Variants in FOXN3 observed in about 807,000 individuals in gnomAD.
The protein encoded by FOXN3 is forkhead box protein N3.
In FOXN3, 7 loss-of-function variants were observed where a neutral mutation model predicts 38.4. The observed-to-expected ratio is 0.18, with a 90% CI of 0.10 to 0.34. The LOEUF (loss-of-function observed/expected upper bound fraction) is 0.34. FOXN3 is among the 10% of genes least tolerant of loss of function. The pLI is 1.00. For missense variants in FOXN3, 456 were observed against 613.4 expected (o/e 0.74, Z 2.71); for synonymous variants, 230 against 242.2 (o/e 0.95, Z 0.47).
At chr14:89,183,717 C>T (rs1438661397) in intron 4 of FOXN3, among the ~76,000 whole-genome samples, 1 of 152,086 alleles carries the variant, frequency 6.6e-6, no homozygotes, top group Non-Finnish European at 1.5e-5. Context: ...TGCTTTTGGA[C>T]AGCACACAAT....
chr14:89,446,087 C>CAAAAAAAAAAAAAAAAAAAAAAAAA (rs576883864), intron 1 of FOXN3, among the ~76,000 whole-genome samples: 9 of 40,112 alleles, frequency 2.2e-4, no homozygotes, highest in African/African-American at 5.1e-4. Flanking sequence ...GACCCTGCCT[C>CAAAAAAAAAAAAAAAAAAAAAAAAA]AAAAAAAAAA....
chr14:89,492,604 T>C (rs1366603904), intron 1 of FOXN3, among the ~76,000 whole-genome samples: 1 of 152,074 alleles, frequency 6.6e-6, no homozygotes, highest in Non-Finnish European at 1.5e-5. Context: ...CCCGGCTACT[T>C]GGGAAACTGA....
intron 1 of FOXN3, among the ~76,000 whole-genome samples, chr14:89,566,303 A>AT (rs35665987): frequency 4.6e-5 from 7 of 151,490 alleles, no homozygotes; most frequent in African/African-American, 1.7e-4. Context: ...ATTTAATCAG[A>AT]TTTTTTTTTT....
At chr14:89,295,762 ATTTT>A (rs1032063820) in intron 3 of FOXN3, among the ~76,000 whole-genome samples, 1 of 123,222 alleles carries the variant, frequency 8.1e-6, no homozygotes, top group African/African-American at 3.1e-5. Flanking sequence ...TAATTTTTGC[ATTTT>A]TTTTTTTTTT....
intron 3 of FOXN3, among the ~76,000 whole-genome samples, chr14:89,309,139 A>G (rs997913377): frequency 3.9e-5 from 6 of 152,112 alleles, no homozygotes; most frequent in African/African-American, 1.4e-4. Flanking sequence ...ACCAGGTTTG[A>G]GGGTCTCCCT....
intron 2 of FOXN3, among the ~76,000 whole-genome samples, chr14:89,390,973 C>A (rs181014303): frequency 2.6e-5 from 4 of 152,274 alleles, no homozygotes; most frequent in Admixed American, 2.0e-4. Context: ...GACAGTGTCT[C>A]GAGAAACTCC....
intron 3 of FOXN3, among the ~76,000 whole-genome samples, chr14:89,348,959 A>G (rs1202280873): frequency 6.6e-6 from 1 of 152,174 alleles, no homozygotes; most frequent in Non-Finnish European, 1.5e-5. Flanking sequence ...AACCAATGAC[A>G]TGACCCAGTG....
At chr14:89,176,934 A>C (rs1887534010) in intron 5 of FOXN3, among the ~76,000 whole-genome samples, 1 of 152,036 alleles carries the variant, frequency 6.6e-6, no homozygotes, top group South Asian at 2.1e-4. Flanking sequence ...GGGCAAGTTC[A>C]GAATTGGTAT....
chr14:89,472,072 A>G (rs564857886), intron 1 of FOXN3, among the ~76,000 whole-genome samples: 42 of 152,152 alleles, frequency 2.8e-4, no homozygotes, highest in African/African-American at 9.1e-4. Context: ...CCTGGCCAAC[A>G]TGGCAAAGCC....
At chr14:89,606,490 AG>A (rs1162921957) in intron 1 of FOXN3, among the ~76,000 whole-genome samples, 4 of 152,254 alleles carry the variant, frequency 2.6e-5, no homozygotes, top group Non-Finnish European at 5.9e-5. Context: ...AGAGAATTAT[AG>A]GACTTCTCAC....
chr14:89,163,040 G>C lies in FOXN3; in HGVS notation c.852-71C>G, dbSNP rs567621014. 1.5e-6 allele frequency: 2 copies of C among 1,370,122 alleles called. No individual in the cohort carries two copies. Among genetic ancestry groups the C allele is most frequent in the African/African-American group, 2.9e-5 (2 of 68,764 alleles). The allele number at this position is 1,370,122 out of a possible 1,614,324, so 84.9% of individuals were successfully genotyped here. A position where few individuals can be genotyped will look rare whatever the true frequency, so the allele number is the denominator to read the frequency against. On this transcript the variant is annotated intron_variant, in intron 5 of 5. Coordinates refer to ENST00000557258, the MANE Select transcript of FOXN3 (RefSeq NM_005197.4). This position sits in a 1 kb window ranked among gnomAD's most constrained non-coding sequence, Gnocchi z 4.3. ...CACAGTTAGACGTCCTCAGATGGGG[G>C]CACCCGGCAGCCCGCCTGCATTCAA...
chr14:89,228,228 A>G (rs1884701030), intron 4 of FOXN3, among the ~76,000 whole-genome samples: 1 of 152,248 alleles, frequency 6.6e-6, no homozygotes. Context: ...ATGGTCTGAT[A>G]AAAGAGGCGA....
At chr14:89,557,369 G>A (rs922414018) in intron 1 of FOXN3, among the ~76,000 whole-genome samples, 6 of 152,134 alleles carry the variant, frequency 3.9e-5, no homozygotes, top group South Asian at 2.1e-4. Context: ...CAGAGATTGC[G>A]CTGTAGTCTG....
intron 2 of FOXN3, among the ~76,000 whole-genome samples, chr14:89,357,922 T>C (rs1429788935): frequency 6.6e-6 from 1 of 152,170 alleles, no homozygotes; most frequent in Non-Finnish European, 1.5e-5. Context: ...ATACCCTCAT[T>C]GACCCCAACC....
chr14:89,616,032 C>T, intron 1 of FOXN3, among the ~76,000 whole-genome samples: 1 of 152,136 alleles, frequency 6.6e-6, no homozygotes, highest in East Asian at 1.9e-4. Flanking sequence ...TAAAGGAAGA[C>T]GTTTCTAAAT....
chr14:89,549,054 G>C (rs1894944680), intron 1 of FOXN3, among the ~76,000 whole-genome samples: 1 of 151,754 alleles, frequency 6.6e-6, no homozygotes, highest in Non-Finnish European at 1.5e-5. Context: ...GGGAGGCGGA[G>C]GTTGTAGTGA....
intron 2 of FOXN3, chr14:89,353,287 A>G (rs902604233): frequency 2.6e-5 from 4 of 152,228 alleles, no homozygotes; most frequent in African/African-American, 9.6e-5. Flanking sequence ...CAGGTACTCA[A>G]TAAATGGCAG....
At chr14:89,332,925 G>A (rs1452563361) in intron 3 of FOXN3, among the ~76,000 whole-genome samples, 2 of 152,114 alleles carry the variant, frequency 1.3e-5, no homozygotes, top group Non-Finnish European at 2.9e-5. Context: ...TAAAGAACCT[G>A]AATAAACATT....
intron 4 of FOXN3, among the ~76,000 whole-genome samples, chr14:89,261,983 A>T (rs2139892977): frequency 6.6e-6 from 1 of 152,306 alleles, no homozygotes; most frequent in South Asian, 2.1e-4. Flanking sequence ...GGGCACCTGT[A>T]GTCCCAGCTA....
Sources: gnomAD v4.1 joint callset for allele counts (sites outside exome capture counted in the v4.1 genomes callset) on GRCh38, gnomAD v4.1.1 for gene constraint, Gnocchi (gnomAD v3.1) non-coding constraint, MANE v1.5 for transcripts, NCBI Gene and HGNC (gene_info 2026-07-23, HGNC 2026-07-21) for gene names.